The following SLC20A1 variants were observed in gnomAD, a reference collection of about 807,000 sequenced individuals.
SLC20A1 encodes the protein sodium-dependent phosphate transporter 1.
SLC20A1 carries 28 observed loss-of-function variants against 62.7 expected under a neutral mutation model. That is an observed-to-expected ratio of 0.45 (90% CI 0.33 to 0.61). The LOEUF is 0.61. Ranked by LOEUF, SLC20A1 falls within the 20% of genes least tolerant of loss-of-function variation. The pLI, the probability that SLC20A1 is intolerant of heterozygous loss-of-function variation, is 0.02. For missense variants in SLC20A1, 673 were observed against 838.6 expected (o/e 0.80, Z 2.44); for synonymous variants, 305 against 302.9 (o/e 1.01, Z -0.07).
chr2:112,658,989 A>T lies in SLC20A1; in HGVS notation c.943A>T (p.Arg315Ter), dbSNP rs1473059329. The change falls in exon 7 of 11, where the codon AGA becomes TGA. Residue 315 changes from arginine to a stop codon, truncating the protein, a stop_gained. Transcript: ENST00000272542. LOFTEE classifies it high-confidence loss of function. ...TVPLQAVVEE[R>*]TVSFKLGDLE... ...GCCCCTCCAGGCTGTGGTGGAGGAG[A>T]GAACAGTCTCATTCAAACTTGGAGA... is the stretch of plus-strand genomic sequence containing the variant. 6.2e-7 allele frequency: 1 copy of T among 1,614,182 alleles called. No individual in the cohort carries two copies. Among genetic ancestry groups the T allele is most frequent in the Non-Finnish European group, 8.5e-7 (1 of 1,180,038 alleles).
chr2:112,658,821 C>T lies in SLC20A1; in HGVS notation c.779-4C>T. 4 of 1,576,360 alleles carry T rather than the reference C, an allele frequency of 2.5e-6. No homozygotes were observed. The highest frequency in any genetic ancestry group is 1.9e-5 in the Admixed American group (1 of 52,276). The stretch of plus-strand genomic sequence containing the variant: ...CCAAAAAAGACCCCCCTTTTTTTTC[C>T]TAGGAGAAATAAAGTGTAGTCCTTC... On this transcript the variant is annotated splice_polypyrimidine_tract_variant and splice_region_variant and intron_variant, in intron 6 of 10. Coordinates refer to ENST00000272542, the MANE Select transcript of SLC20A1 (RefSeq NM_005415.5).
Position 112,663,099 on chromosome 2 carries a change from A to T in SLC20A1, c.*74A>T, listed in dbSNP as rs575164445. ...ATTCCTGCTCCCCTGAAGAATGATT[A>T]CAGTGTTAACAGAAGACTGACAAGA... On this transcript the variant is annotated 3_prime_UTR_variant, in exon 11 of 11. Coordinates refer to ENST00000272542, the MANE Select transcript of SLC20A1 (RefSeq NM_005415.5). 69 of 1,507,556 alleles carry T rather than the reference A, an allele frequency of 4.6e-5. 1 individual carries two copies. The South Asian group carries it at 7.6e-4, about 17-fold the overall frequency. The allele number at this position is 1,507,556 out of a possible 1,614,324, so 93.4% of individuals were successfully genotyped here. A position where few individuals can be genotyped will look rare whatever the true frequency, so the allele number is the denominator to read the frequency against.
chr2:112,662,994 C>T lies in SLC20A1; in HGVS notation c.2009C>T (p.Ala670Val). The change falls in exon 11 of 11, where the codon GCA becomes GTA. Residue 670 changes from alanine to valine, a missense_variant. Coordinates refer to ENST00000272542, the MANE Select transcript of SLC20A1 (RefSeq NM_005415.5). ...GGAGTTATCAGTGCTGCCATCATGG[C>T]AATCTTCAGATATGTCATCCTCAGA... ...ISGVISAAIM[A>V]IFRYVILRM is the part of the protein sequence containing the mutation. The T allele has an allele frequency of 6.2e-7, 1 of 1,614,148 alleles. No individual in the cohort carries two copies. Among genetic ancestry groups the T allele is most frequent in the Non-Finnish European group, 8.5e-7 (1 of 1,180,020 alleles).
intron 5 of SLC20A1, among the ~76,000 whole-genome samples, chr2:112,654,035 G>A (rs577373538): frequency 2.0e-5 from 3 of 152,148 alleles, no homozygotes; most frequent in East Asian, 1.9e-4. Context: ...CAGGTGGTCC[G>A]CCTGCCTCAG....
rs1259689532 is a variant in SLC20A1 at position 112,659,907 on chromosome 2, CATA to C, written c.1607+150_1607+152del. On this transcript the variant is annotated intron_variant, in intron 8 of 10. Coordinates refer to ENST00000272542, the MANE Select transcript of SLC20A1 (RefSeq NM_005415.5). Reference sequence around the variant, plus strand: ...AGGATGAGGTAATAGCAGTTATTGACATAATAAGACAGTACAGTTTTATTCTTC... The same window carrying C: ...AGGATGAGGTAATAGCAGTTATTGACATAAGACAGTACAGTTTTATTCTTC... 9 of 648,822 alleles carry C rather than the reference CATA, an allele frequency of 1.4e-5. No individual in the cohort carries two copies. The East Asian group carries it at 1.9e-4, about 14-fold the overall frequency. The allele number at this position is 648,822 out of a possible 1,614,324, so 40.2% of individuals were successfully genotyped here.
chr2:112,646,389 G>T (rs1686276450), intron 1 of SLC20A1, among the ~76,000 whole-genome samples, 174 bp from the exon 2 acceptor site: 1 of 151,998 alleles, frequency 6.6e-6, no homozygotes, highest in Non-Finnish European at 1.5e-5. Context: ...GGCGCGCGCG[G>T]GCCGCGGAGG....
At chr2:112,647,798 C>T in intron 4 of SLC20A1, 60 bp downstream of exon 4, 3 of 1,360,204 alleles carry the variant, frequency 2.2e-6, no homozygotes, top group Non-Finnish European at 3.2e-6. Context: ...ATTTCAAACC[C>T]AGTGGTACTT....
intron 9 of SLC20A1, 108 bp downstream of exon 9, chr2:112,660,680 T>A (rs957795997): frequency 5.1e-5 from 46 of 906,906 alleles, no homozygotes; most frequent in Middle Eastern, 6.7e-4. Context: ...TTGTATAAGT[T>A]CATGATGTTC....
At position 112,659,655 on chromosome 2, in the gene SLC20A1, A is replaced by G; in HGVS notation, c.1500A>G (p.Leu500=). Residue 500 remains leucine (L), a synonymous_variant, in exon 8 of 11, where the codon CTA becomes CTG. Coordinates refer to ENST00000272542, the MANE Select transcript of SLC20A1 (RefSeq NM_005415.5). ...ACAGAAAAGGAAGTAATGGCTCTCTAGAAGAATGGTATGACCAGGATAAGC... is the reference window on the plus strand; with the variant it reads ...ACAGAAAAGGAAGTAATGGCTCTCTGGAAGAATGGTATGACCAGGATAAGC... The part of the protein sequence containing the change: ...LGDRKGSNGS[L]EEWYDQDKPE... 2 of 1,614,256 alleles carry G rather than the reference A, an allele frequency of 1.2e-6. No individual in the cohort carries two copies. The highest frequency in any genetic ancestry group is 1.7e-6 in the Non-Finnish European group (2 of 1,180,040).
intron 4 of SLC20A1, among the ~76,000 whole-genome samples, chr2:112,648,095 AAG>A (rs1337502736): frequency 6.6e-6 from 1 of 152,154 alleles, no homozygotes; most frequent in African/African-American, 2.4e-5. Flanking sequence ...CTTGGAGTTC[AAG>A]ACAGTGTCCC....
chr2:112,658,939 T>C lies in SLC20A1; in HGVS notation c.893T>C (p.Val298Ala), dbSNP rs772122673. 2 of 1,614,188 alleles carry C rather than the reference T, an allele frequency of 1.2e-6. No homozygotes were observed. The highest frequency in any genetic ancestry group is 3.3e-5 in the Admixed American group (2 of 60,020). The change falls in exon 7 of 11, where the codon GTT (valine) becomes GCT (alanine). Residue 298 changes from valine to alanine, a missense_variant. Transcript: ENST00000272542. Reference protein sequence around the residue: ...SVGDIENKHPVSEVGPATVPL... With the variant: ...SVGDIENKHPASEVGPATVPL... ...GGTGATATTGAAAACAAGCATCCTG[T>C]TTCTGAGGTAGGGCCTGCCACTGTG...
intron 8 of SLC20A1, 36 bp downstream of exon 8, chr2:112,659,798 T>C (rs1574190171): frequency 6.4e-7 from 1 of 1,554,100 alleles, no homozygotes; most frequent in East Asian, 2.3e-5. Context: ...GCTAACCCTA[T>C]TTTTAAACCA....
At chr2:112,650,629 CT>C (rs373260777) in intron 4 of SLC20A1, among the ~76,000 whole-genome samples, 18 of 145,720 alleles carry the variant, frequency 1.2e-4, no homozygotes, top group South Asian at 4.3e-4. Flanking sequence ...CTGCACCTGG[CT>C]TTTTTTTTTT....
Position 112,646,875 on chromosome 2 carries a change from G to T in SLC20A1, c.47G>T (p.Gly16Val). 6.2e-7 allele frequency: 1 copy of T among 1,613,708 alleles called. No homozygotes were observed. Among genetic ancestry groups the T allele is most frequent in the South Asian group, 1.1e-5 (1 of 91,068 alleles). Residue 16 changes from glycine (G) to valine (V), a missense_variant, in exon 2 of 11, where the codon GGT (glycine) becomes GTT (valine). Physicochemically the swap from Gly to Val is moderately radical, Grantham distance 109. Transcript: ENST00000272542. ...TSTTAATAAS[G>V]PLVDYLWMLI... ...ACTACAGCTGCTACCGCCGCTTCTG[G>T]TCCTTTGGTGGACTACCTATGGATG... is the stretch of plus-strand genomic sequence containing the variant.
intron 3 of SLC20A1, 58 bp from the exon 4 acceptor site, chr2:112,647,592 AGTG>A: frequency 6.3e-7 from 1 of 1,584,244 alleles, no homozygotes; most frequent in Non-Finnish European, 8.7e-7. Flanking sequence ...AAACATTTAA[AGTG>A]GTTTTTGGTT....
chr2:112,655,054 T>C (rs1283771726), intron 5 of SLC20A1, among the ~76,000 whole-genome samples: 3 of 145,110 alleles, frequency 2.1e-5, no homozygotes, highest in Non-Finnish European at 4.5e-5. Flanking sequence ...CTGCAACCAC[T>C]ACCTCCCGGG....
At chr2:112,658,062 C>T (rs1262830350) in intron 6 of SLC20A1, among the ~76,000 whole-genome samples, 1 of 152,256 alleles carries the variant, frequency 6.6e-6, no homozygotes, top group African/African-American at 2.4e-5. Context: ...ACCGAAGAGC[C>T]TCCGAGAGGT....
intron 10 of SLC20A1, among the ~76,000 whole-genome samples, chr2:112,661,779 C>G (rs1338606053): frequency 2.0e-5 from 3 of 152,148 alleles, no homozygotes; most frequent in African/African-American, 7.2e-5. Context: ...GAACTCCTAA[C>G]CTCAGGTGAT....
At chr2:112,651,944 A>G (rs1331758413) in intron 4 of SLC20A1, 2 of 152,214 alleles carry the variant, frequency 1.3e-5, no homozygotes, top group East Asian at 1.9e-4. Context: ...AGCTTACTAC[A>G]TTTATGTCAT....
Sources: gnomAD v4.1 joint callset for allele counts (sites outside exome capture counted in the v4.1 genomes callset) on GRCh38, gnomAD v4.1.1 for gene constraint, MANE v1.5 for transcripts, NCBI Gene and HGNC (gene_info 2026-07-23, HGNC 2026-07-21) for gene names.